Variants in RANBP17 observed in about 807,000 individuals in gnomAD.
The protein encoded by RANBP17 is ran-binding protein 17.
RANBP17 carries 158 observed loss-of-function variants against 141.2 expected under a neutral mutation model. The observed-to-expected ratio is 1.12, with a 90% CI of 0.98 to 1.28. RANBP17 has a LOEUF of 1.28. Among genes scored for constraint, RANBP17 ranks in the 50% most tolerant of loss-of-function variants. The pLI is 0.00. For synonymous variants in RANBP17, 430 were observed against 450.0 expected (o/e 0.96, Z 0.56); for missense variants, 1,438 against 1,290.7 (o/e 1.11, Z -1.75).
chr5:171,077,213 G>A (rs1406976219), intron 14 of RANBP17, among the ~76,000 whole-genome samples: 14 of 151,988 alleles, frequency 9.2e-5, no homozygotes, highest in Non-Finnish European at 2.9e-5. Flanking sequence ...GGTGGCGGGC[G>A]CCTGTAGTCC....
intron 14 of RANBP17, among the ~76,000 whole-genome samples, chr5:171,117,739 C>T (rs200424590): frequency 2.6e-5 from 4 of 151,990 alleles, no homozygotes; most frequent in African/African-American, 7.2e-5. Context: ...TTGATCCACC[C>T]GCCTCAGCCT....
chr5:171,271,259 T>G (rs34816306), intron 25 of RANBP17: 2 of 215,656 alleles, frequency 9.3e-6, no homozygotes, highest in East Asian at 6.8e-5. Flanking sequence ...TTTTGTATAG[T>G]GCTCTTCATG....
In RANBP17 at chr5:170,878,168, T is replaced by C; in HGVS notation, c.90T>C (p.Ala30=). 1 of 1,613,068 alleles carries C rather than the reference T, an allele frequency of 6.2e-7. No individual in the cohort carries two copies. The change falls in exon 2 of 28, where the codon GCT becomes GCC. Residue 30 remains alanine, a synonymous_variant. Transcript: ENST00000523189. ...IGTDLTQRIE[A]EKALLELIDS... ...CTGATCTTACACAAAGAATAGAGGC[T>C]GAGAAAGCACTCTTGGAACTTATTG...
chr5:171,160,991 G>A (rs1164976005), intron 14 of RANBP17, among the ~76,000 whole-genome samples: 1 of 152,070 alleles, frequency 6.6e-6, no homozygotes, highest in Non-Finnish European at 1.5e-5. Context: ...GTAGAAGCAG[G>A]GTTTCACCTT....
chr5:170,916,060 TTATATTGCATTATAATGCATTATATTC>T (rs1561886266), intron 8 of RANBP17, among the ~76,000 whole-genome samples: 5 of 151,306 alleles, frequency 3.3e-5, no homozygotes, highest in Admixed American at 1.3e-4. Flanking sequence ...ATAATGCTTT[TTATATTGCATTATAATGCATTATATTC>T]TATATTGCAT....
intron 14 of RANBP17, among the ~76,000 whole-genome samples, chr5:171,080,238 ACAC>A: frequency 9.2e-6 from 1 of 108,778 alleles, no homozygotes; most frequent in East Asian, 3.1e-4. Flanking sequence ...ACATACACAC[ACAC>A]AAAACACACA....
intron 14 of RANBP17, among the ~76,000 whole-genome samples, chr5:171,130,896 T>G (rs1426515990): frequency 6.6e-6 from 1 of 152,072 alleles, no homozygotes; most frequent in Admixed American, 6.6e-5. Context: ...AAATTAGGAG[T>G]GTTACAGCAT....
chr5:170,985,240 A>T (rs1312374262), intron 14 of RANBP17, among the ~76,000 whole-genome samples: 1 of 152,162 alleles, frequency 6.6e-6, no homozygotes, highest in African/African-American at 2.4e-5. Flanking sequence ...CCTTTATTCA[A>T]GCTTACCCTA....
intron 14 of RANBP17, among the ~76,000 whole-genome samples, chr5:171,045,776 C>G (rs1203319187): frequency 2.0e-5 from 3 of 152,104 alleles, no homozygotes; most frequent in Non-Finnish European, 4.4e-5. Context: ...ATTCATGTAA[C>G]CACTATCACA....
rs1437482589 is a variant in RANBP17, at chr5:171,277,637, G to GTGTGTGTATATATATA, written c.2943+11791_2943+11792insGTGTGTATATATATAT. 4.2e-4 allele frequency among the ~76,000 whole-genome samples: 24 copies of GTGTGTGTATATATATA among 56,920 alleles called. 1 individual carries two copies. In the South Asian group the frequency reaches 7.9e-3, roughly 19 times the overall value. 37.3% of individuals were successfully genotyped at this position (56,920 alleles called of 152,430 possible). On this transcript the variant is annotated intron_variant, in intron 25 of 27. Coordinates refer to ENST00000523189, the MANE Select transcript of RANBP17 (RefSeq NM_022897.5). The stretch of plus-strand genomic sequence containing the variant: ...GTGCCTTACGTATACATATATGTAT[G>GTGTGTGTATATATATA]TATATATATATATATATATATATAT...
chr5:170,955,582 G>GTA (rs869169939), intron 13 of RANBP17, among the ~76,000 whole-genome samples: 3,901 of 41,196 alleles, frequency 0.095, 355 homozygotes, highest in Admixed American at 0.15. Context: ...CAGTCTGTGT[G>GTA]TATATATATA....
chr5:171,186,587 A>G (rs1477037442), intron 18 of RANBP17, among the ~76,000 whole-genome samples: 2 of 101,128 alleles, frequency 2.0e-5, no homozygotes, highest in African/African-American at 8.3e-5. Context: ...CCCAGGCTGG[A>G]GTGCAGTGGT....
rs1457927529 is a variant in RANBP17, at chr5:171,298,949, G to C, written c.*91G>C. On this transcript the variant is annotated 3_prime_UTR_variant, in exon 28 of 28. Transcript: ENST00000523189. ...GACAGTGATGTTGGCTAGCCCAGGG[G>C]AATGTATTTTTCAAAACATACAAGC... The C allele has an allele frequency of 8.7e-6, 8 of 921,142 alleles. No homozygotes were observed. Among genetic ancestry groups the C allele is most frequent in the South Asian group, 7.8e-5 (5 of 63,722 alleles). 57.1% of individuals were successfully genotyped at this position (921,142 alleles called of 1,614,324 possible).
chr5:170,896,319 T>C (rs1770116410), intron 5 of RANBP17: 4 of 521,294 alleles, frequency 7.7e-6, no homozygotes, highest in Middle Eastern at 4.7e-4. Flanking sequence ...ATATCTGCAA[T>C]AGTACAGAGT....
chr5:171,099,330 A>G (rs1786949525), intron 14 of RANBP17, among the ~76,000 whole-genome samples: 2 of 152,216 alleles, frequency 1.3e-5, no homozygotes, highest in African/African-American at 4.8e-5. Flanking sequence ...GGTCCTTCAC[A>G]TCCCTTGTAA....
intron 18 of RANBP17, among the ~76,000 whole-genome samples, chr5:171,188,424 A>G (rs1466649920): frequency 6.6e-6 from 1 of 152,208 alleles, no homozygotes; most frequent in African/African-American, 2.4e-5. Flanking sequence ...CAGTGTGCTA[A>G]ACTCTGAGGG....
chr5:171,263,770 A>G (rs1766492837), intron 24 of RANBP17, among the ~76,000 whole-genome samples: 1 of 152,174 alleles, frequency 6.6e-6, no homozygotes, highest in Non-Finnish European at 1.5e-5. Context: ...GTGATTCAAG[A>G]AGGTGTTTTA....
At chr5:171,273,637 A>C (rs1767272559) in intron 25 of RANBP17, among the ~76,000 whole-genome samples, 2 of 152,138 alleles carry the variant, frequency 1.3e-5, no homozygotes, top group African/African-American at 4.8e-5. Context: ...AAAAACAAAA[A>C]ATTGAAACAT....
chr5:171,062,049 G>A (rs1177254111), intron 14 of RANBP17, among the ~76,000 whole-genome samples: 1 of 151,598 alleles, frequency 6.6e-6, no homozygotes, highest in African/African-American at 2.4e-5. Flanking sequence ...GAGCCTATGT[G>A]TGTCTCTGCA....
Sources: allele counts gnomAD v4.1 joint callset (sites outside exome capture counted in the v4.1 genomes callset), GRCh38; gene constraint gnomAD v4.1.1; transcripts MANE v1.5; gene names NCBI Gene and HGNC (gene_info 2026-07-23, HGNC 2026-07-21).